NRXN1: variants seen among roughly 807,000 people sequenced by gnomAD.
NRXN1 encodes the protein neurexin 1, also known as neurexin-1.
A neutral mutation model predicts 150.9 loss-of-function variants in NRXN1; 39 were observed. The ratio of observed to expected loss-of-function variants is 0.26; its 90% confidence interval spans 0.20 to 0.34. NRXN1 has a LOEUF of 0.34. Ranked by LOEUF, NRXN1 falls within the 10% of genes least tolerant of loss-of-function variation. The pLI is 1.00. For missense variants in NRXN1, 1,815 were observed against 1,949.9 expected (o/e 0.93, Z 1.30); for synonymous variants, 924 against 757.0 (o/e 1.22, Z -3.62).
chr2:50,571,195 A>T (rs1205202083), intron 8 of NRXN1, among the ~76,000 whole-genome samples: 2 of 152,122 alleles, frequency 1.3e-5, no homozygotes, highest in Non-Finnish European at 2.9e-5. Context: ...TGCAATATAA[A>T]ATGTTTCCCA....
intron 8 of NRXN1, among the ~76,000 whole-genome samples, chr2:50,568,570 G>A (rs1167286141): frequency 6.6e-6 from 1 of 152,160 alleles, no homozygotes; most frequent in Non-Finnish European, 1.5e-5. Context: ...TCAGAGCAAT[G>A]CAAATCAAAA....
At chr2:50,431,826 T>C (rs2084988524) in intron 17 of NRXN1, among the ~76,000 whole-genome samples, 1 of 151,444 alleles carries the variant, frequency 6.6e-6, no homozygotes, top group Admixed American at 6.6e-5. Context: ...ACAAGATGGT[T>C]CTCAACTTTT....
At chr2:50,950,103 T>C (rs1691061802) in intron 2 of NRXN1, among the ~76,000 whole-genome samples, 1 of 152,154 alleles carries the variant, frequency 6.6e-6, no homozygotes, top group Non-Finnish European at 1.5e-5. Flanking sequence ...GAGCAACATA[T>C]AAATGCTCTC....
chr2:50,490,943 A>C (rs2091218360), intron 15 of NRXN1, among the ~76,000 whole-genome samples: 1 of 152,156 alleles, frequency 6.6e-6, no homozygotes, highest in African/African-American at 2.4e-5. Context: ...TCTTTCCCTT[A>C]TATAGACTAA....
chr2:49,975,620 G>T (rs1235784586), intron 21 of NRXN1, among the ~76,000 whole-genome samples: 1 of 152,012 alleles, frequency 6.6e-6, no homozygotes, highest in East Asian at 1.9e-4. Context: ...ATGTTGTCAT[G>T]TGTTTTTTTC....
intron 19 of NRXN1, among the ~76,000 whole-genome samples, chr2:50,061,698 T>C (rs761036807): frequency 4.6e-5 from 7 of 152,202 alleles, no homozygotes; most frequent in Non-Finnish European, 1.0e-4. Context: ...GCCTTCTCAT[T>C]GAATAGTTAA....
chr2:50,477,003 G>T (rs2090046263), intron 15 of NRXN1, among the ~76,000 whole-genome samples: 1 of 152,098 alleles, frequency 6.6e-6, no homozygotes, highest in African/African-American at 2.4e-5. Flanking sequence ...CAAAGTGGGG[G>T]AGCATACAAA....
rs1689935231 is a variant in NRXN1 at position 50,678,879 on chromosome 2, T to C, written c.833-55264A>G. Among the ~76,000 whole-genome samples, 4 of 152,082 alleles carry C rather than the reference T, an allele frequency of 2.6e-5. No homozygotes were observed. In the South Asian group the frequency reaches 8.3e-4, roughly 32 times the overall value. On this transcript the variant is annotated intron_variant, in intron 5 of 22. Coordinates refer to ENST00000401669, the MANE Select transcript of NRXN1 (RefSeq NM_001330078.2). ...CCCATAAGTTATATTTTACTGGTTT[T>C]AGACCCTAAAGAGATAGAGCTTAGA... is the stretch of plus-strand genomic sequence containing the variant.
chr2:50,344,105 G>C (rs11683743), intron 17 of NRXN1, among the ~76,000 whole-genome samples: 13,769 of 152,108 alleles, frequency 0.091, 852 homozygotes, highest in Non-Finnish European at 0.13. Context: ...AATATTCAGA[G>C]AGCTATTGAC....
At chr2:50,808,722 T>C (rs1667832874) in intron 5 of NRXN1, among the ~76,000 whole-genome samples, 1 of 152,126 alleles carries the variant, frequency 6.6e-6, no homozygotes, top group Admixed American at 6.6e-5. Flanking sequence ...ATATAACCTA[T>C]AGTTCAAGAT....
Position 50,528,652 on chromosome 2 carries a change from C to G in NRXN1, c.2348-1G>C. On this transcript the variant is annotated splice_acceptor_variant, in intron 11 of 22. Transcript: ENST00000401669. LOFTEE classifies it high-confidence loss of function. ...GAATTACAGTTAATCCTGATACAAT[C>G]TAGATGGGGAAGAATAGATGAAAAA... 2 of 1,547,610 alleles carry G rather than the reference C, an allele frequency of 1.3e-6. No individual in the cohort carries two copies. Among genetic ancestry groups the G allele is most frequent in the Non-Finnish European group, 1.8e-6 (2 of 1,128,768 alleles).
At chr2:50,000,744 C>A (rs1683780571) in intron 21 of NRXN1, among the ~76,000 whole-genome samples, 1 of 152,162 alleles carries the variant, frequency 6.6e-6, no homozygotes, top group Non-Finnish European at 1.5e-5. Context: ...GTATCTGGAT[C>A]TGCCTTTCCT....
intron 21 of NRXN1, among the ~76,000 whole-genome samples, chr2:49,971,257 C>T (rs944533129): frequency 2.0e-5 from 3 of 152,086 alleles, no homozygotes; most frequent in Admixed American, 2.0e-4. Context: ...TCAATGCACC[C>T]AGATGCTGTG....
chr2:50,165,866 T>G (rs1282314362), intron 18 of NRXN1, among the ~76,000 whole-genome samples: 1 of 152,192 alleles, frequency 6.6e-6, no homozygotes, highest in African/African-American at 2.4e-5. Flanking sequence ...TCTTACTATA[T>G]TATATATATT....
At chr2:50,889,722 T>C (rs897895860) in intron 5 of NRXN1, among the ~76,000 whole-genome samples, 2 of 151,740 alleles carry the variant, frequency 1.3e-5, no homozygotes, top group Non-Finnish European at 3.0e-5. Flanking sequence ...GATTAATTTA[T>C]GTTGGAATAT....
intron 21 of NRXN1, among the ~76,000 whole-genome samples, chr2:50,001,455 G>C (rs560864181): frequency 1.3e-5 from 2 of 151,886 alleles, no homozygotes; most frequent in African/African-American, 2.4e-5. Flanking sequence ...AAGCATTTAG[G>C]GGGTATATAA....
At chr2:50,035,715 A>AGGGCTT (rs1689926763) in intron 21 of NRXN1, among the ~76,000 whole-genome samples, 2 of 152,158 alleles carry the variant, frequency 1.3e-5, no homozygotes. Context: ...CCACAGACAC[A>AGGGCTT]GTGGGTATCA....
intron 18 of NRXN1, chr2:50,207,633 T>C (rs575769197): frequency 1.2e-5 from 2 of 168,344 alleles, no homozygotes; most frequent in Admixed American, 6.6e-5. Context: ...AATATTATAC[T>C]TCAAAGGCCA....
In NRXN1 at chr2:49,920,679, G is replaced by T. The variant is rs1668031234; in HGVS notation, c.*1265C>A. The T allele has an allele frequency of 6.7e-6, 1 of 149,430 alleles. No homozygotes were observed. The highest frequency in any genetic ancestry group is 2.1e-4 in the South Asian group (1 of 4,694). 9.3% of individuals were successfully genotyped at this position (149,430 alleles called of 1,614,324 possible). ...CACGTTTGGATCTTCCAGCATATCT[G>T]ATGGATTGCTGTGGATTCGTGTGTG... On this transcript the variant is annotated 3_prime_UTR_variant, in exon 23 of 23. Coordinates refer to ENST00000401669, the MANE Select transcript of NRXN1 (RefSeq NM_001330078.2).
Sources: allele counts gnomAD v4.1 joint callset (sites outside exome capture counted in the v4.1 genomes callset), GRCh38; gene constraint gnomAD v4.1.1; transcripts MANE v1.5; gene names NCBI Gene and HGNC (gene_info 2026-07-23, HGNC 2026-07-21).